The following RGS21 variants were observed in gnomAD, a reference collection of about 807,000 sequenced individuals.
The protein encoded by RGS21 is regulator of G-protein signalling 21.
A neutral mutation model predicts 18.7 loss-of-function variants in RGS21; 19 were observed. The ratio of observed to expected loss-of-function variants is 1.01; its 90% CI spans 0.71 to 1.49. The LOEUF is 1.49. RGS21 is among the 40% of genes most tolerant of loss of function. The pLI is 0.00. For synonymous variants in RGS21, 56 were observed against 57.8 expected (o/e 0.97, Z 0.14); for missense variants, 194 against 176.8 (o/e 1.10, Z -0.55).
At chr1:192,327,857 G>A (rs1374996024) in intron 1 of RGS21, among the ~76,000 whole-genome samples, 1 of 152,134 alleles carries the variant, frequency 6.6e-6, no homozygotes, top group Non-Finnish European at 1.5e-5. Context: ...AATATAGAAA[G>A]CCTGTTATAT....
At chr1:192,347,190 G>C in intron 2 of RGS21, 123 bp from the exon 3 acceptor site, 3 of 627,626 alleles carry the variant, frequency 4.8e-6, no homozygotes, top group Non-Finnish European at 8.7e-6. Context: ...ATAATTTTTT[G>C]ACATTTGGCT....
At chr1:192,348,139 C>T (rs1372074864) in intron 3 of RGS21, among the ~76,000 whole-genome samples, 1 of 151,444 alleles carries the variant, frequency 6.6e-6, no homozygotes, top group Admixed American at 6.6e-5. Context: ...GATTCTCCTG[C>T]CTCAGCCTCC....
At chr1:192,334,841 C>T (rs1012435264) in intron 1 of RGS21, among the ~76,000 whole-genome samples, 6 of 152,026 alleles carry the variant, frequency 3.9e-5, no homozygotes, top group Non-Finnish European at 7.4e-5. Context: ...ACTTTCTTTC[C>T]CTTCCCCCAA....
intron 4 of RGS21, among the ~76,000 whole-genome samples, chr1:192,364,044 A>C (rs1261155114): frequency 6.6e-6 from 1 of 152,170 alleles, no homozygotes; most frequent in Non-Finnish European, 1.5e-5. Context: ...TCACTGGGTC[A>C]AAAACTATCA....
At chr1:192,353,082 G>C (rs766017983) in intron 4 of RGS21, among the ~76,000 whole-genome samples, 3 of 151,942 alleles carry the variant, frequency 2.0e-5, no homozygotes, top group Admixed American at 6.6e-5. Context: ...GTGAAATGCT[G>C]ACATCTTTAT....
chr1:192,352,057 TG>T lies in RGS21; in HGVS notation c.100del (p.Ala34LeufsTer6), dbSNP rs749610673. On this transcript the variant is annotated frameshift_variant, in exon 4 of 5. Coordinates refer to ENST00000417209, the MANE Select transcript of RGS21 (RefSeq NM_001039152.3). LOFTEE classifies it high-confidence loss of function. The part of the protein sequence containing the change: ...TLLANQAGLD[A>X]FRIFLKSEFS... ...TCATATATTTTATAGCTGGTCTAGA[TG>T]CTTTTCGAATATTTCTAAAATCAGA... 3.3e-5 allele frequency: 52 copies of T among 1,594,590 alleles called. No individual in the cohort carries two copies. Among genetic ancestry groups the T allele is most frequent in the Non-Finnish European group, 4.4e-5 (51 of 1,171,688 alleles).
At chr1:192,360,177 T>A (rs1659168704) in intron 4 of RGS21, among the ~76,000 whole-genome samples, 1 of 152,094 alleles carries the variant, frequency 6.6e-6, no homozygotes, top group Admixed American at 6.6e-5. Context: ...AATTTAAATC[T>A]GAGTCCTGAT....
chr1:192,359,887 C>T (rs1220932851), intron 4 of RGS21, among the ~76,000 whole-genome samples: 1 of 151,484 alleles, frequency 6.6e-6, no homozygotes, highest in East Asian at 1.9e-4. Flanking sequence ...ATAAGGCACT[C>T]TTGATAGCAT....
chr1:192,337,229 T>G (rs1481779013), intron 1 of RGS21, among the ~76,000 whole-genome samples: 3 of 152,034 alleles, frequency 2.0e-5, no homozygotes, highest in African/African-American at 4.8e-5. Flanking sequence ...ATATTGTACG[T>G]TTTTGAAATG....
At chr1:192,354,333 G>C (rs1659083370) in intron 4 of RGS21, among the ~76,000 whole-genome samples, 2 of 151,766 alleles carry the variant, frequency 1.3e-5, no homozygotes, top group South Asian at 4.1e-4. Flanking sequence ...AGTTAGATTT[G>C]CGGTGTGGTT....
At chr1:192,320,984 T>C (rs1658490291) in intron 1 of RGS21, among the ~76,000 whole-genome samples, 1 of 152,014 alleles carries the variant, frequency 6.6e-6, no homozygotes, top group Admixed American at 6.6e-5. Context: ...ATTGACTGTA[T>C]AACAGGTAAT....
At chr1:192,326,513 T>C (rs1294745341) in intron 1 of RGS21, among the ~76,000 whole-genome samples, 1 of 152,088 alleles carries the variant, frequency 6.6e-6, no homozygotes, top group Admixed American at 6.6e-5. Flanking sequence ...GAAAAGTACT[T>C]ATGTGTGTAC....
At chr1:192,362,165 C>T (rs1211090080) in intron 4 of RGS21, among the ~76,000 whole-genome samples, 1 of 152,030 alleles carries the variant, frequency 6.6e-6, no homozygotes. Context: ...TCAAATGCCA[C>T]ACTGAGATGT....
chr1:192,346,360 A>G (rs910977503), intron 2 of RGS21, among the ~76,000 whole-genome samples: 4 of 152,130 alleles, frequency 2.6e-5, no homozygotes, highest in African/African-American at 7.2e-5. Context: ...GTGCAAATAC[A>G]AAAGTTTTAT....
chr1:192,357,187 T>C (rs77069094), intron 4 of RGS21, among the ~76,000 whole-genome samples: 410 of 151,722 alleles, frequency 2.7e-3, no homozygotes, highest in Middle Eastern at 6.8e-3. Context: ...AATTTGACTA[T>C]AGAGGGAAAC....
chr1:192,365,774 G>A (rs1450005060), intron 4 of RGS21, 147 bp from the exon 5 acceptor site: 1 of 535,478 alleles, frequency 1.9e-6, no homozygotes, highest in East Asian at 3.3e-5. Context: ...CATGTATTCT[G>A]CATTCTAGAA....
intron 1 of RGS21, among the ~76,000 whole-genome samples, chr1:192,317,389 GAAA>G (rs1658435727): frequency 2.0e-5 from 3 of 151,076 alleles, no homozygotes; most frequent in African/African-American, 4.9e-5. Context: ...GGAGGGGAGA[GAAA>G]AAGACAAGAG....
chr1:192,350,094 T>C (rs1172048246), intron 3 of RGS21, among the ~76,000 whole-genome samples: 3 of 152,180 alleles, frequency 2.0e-5, no homozygotes, highest in African/African-American at 7.2e-5. Context: ...TAAATTGGTG[T>C]TACAGAAACT....
chr1:192,346,125 G>A (rs1658941460), intron 2 of RGS21, among the ~76,000 whole-genome samples: 1 of 152,070 alleles, frequency 6.6e-6, no homozygotes, highest in African/African-American at 2.4e-5. Context: ...GATTGGAAAT[G>A]TGAGTAATGG....
Sources: gnomAD v4.1 joint callset for allele counts (sites outside exome capture counted in the v4.1 genomes callset) on GRCh38, gnomAD v4.1.1 for gene constraint, MANE v1.5 for transcripts, NCBI Gene and HGNC (gene_info 2026-07-23, HGNC 2026-07-21) for gene names.